The following TRAPPC9 variants were observed in gnomAD, a reference collection of about 807,000 sequenced individuals.
TRAPPC9 encodes the protein IKK2 binding protein.
A neutral mutation model predicts 124.0 loss-of-function variants in TRAPPC9; 83 were observed. The observed-to-expected ratio is 0.67, with a 90% CI of 0.56 to 0.80. The LOEUF is 0.80. Ranked by LOEUF, TRAPPC9 falls within the 30% of genes least tolerant of loss-of-function variation. TRAPPC9 has a pLI of 0.00. For synonymous variants in TRAPPC9, 638 were observed against 617.5 expected (o/e 1.03, Z -0.49); for missense variants, 1,302 against 1,508.3 (o/e 0.86, Z 2.27).
intron 17 of TRAPPC9, among the ~76,000 whole-genome samples, chr8:140,215,445 C>T (rs2063168328): frequency 1.3e-5 from 2 of 151,930 alleles, no homozygotes; most frequent in African/African-American, 4.8e-5. Flanking sequence ...GAGTTCGGGA[C>T]CAGCCCAGGC....
chr8:140,160,347 G>A (rs1338480176), intron 17 of TRAPPC9, among the ~76,000 whole-genome samples: 5 of 152,092 alleles, frequency 3.3e-5, no homozygotes, highest in African/African-American at 1.2e-4. Context: ...ACATGCACAC[G>A]TATGTTTATT....
At chr8:140,196,221 ACACT>A (rs72196471) in intron 17 of TRAPPC9, among the ~76,000 whole-genome samples, 1,005 of 11,590 alleles carry the variant, frequency 0.087, 12 homozygotes, top group Non-Finnish European at 0.11. Context: ...ACACTAAAAC[ACACT>A]CAACGATCCA....
intron 17 of TRAPPC9, among the ~76,000 whole-genome samples, chr8:140,123,300 G>T (rs898507952): frequency 6.6e-6 from 1 of 152,154 alleles, no homozygotes; most frequent in African/African-American, 2.4e-5. Context: ...CTTGCATCTT[G>T]CACACATTCT....
intron 21 of TRAPPC9, among the ~76,000 whole-genome samples, chr8:139,755,092 GTTGTAA>G (rs1563787922): frequency 1.3e-5 from 2 of 152,358 alleles, no homozygotes; most frequent in Admixed American, 1.3e-4. Context: ...CTGAGAGGTC[GTTGTAA>G]TTGGGGGAGC....
Position 139,907,355 on chromosome 8 carries a change from A to C in TRAPPC9, c.2964+2792T>G, listed in dbSNP as rs13274686. ...ATCAAATTAAGCTCAAATGTTTGTA[A>C]AAAGTCTAAATGTTTAGAAAATATT... On this transcript the variant is annotated intron_variant, in intron 20 of 22. Coordinates refer to ENST00000438773, the MANE Select transcript of TRAPPC9 (RefSeq NM_001160372.4). The surrounding 1 kb of genome is among the most constrained non-coding windows in gnomAD (Gnocchi z 4.7). 0.65 allele frequency among the ~76,000 whole-genome samples: 99,345 copies of C among 152,050 alleles called. 34,502 individuals carry two copies. Among genetic ancestry groups the C allele is most frequent in the African/African-American group, 0.91 (37,858 of 41,488 alleles).
chr8:140,437,438 C>A (rs1487198799), intron 3 of TRAPPC9, among the ~76,000 whole-genome samples: 2 of 152,118 alleles, frequency 1.3e-5, no homozygotes, highest in Non-Finnish European at 2.9e-5. Context: ...GCTCGGCCAA[C>A]ATCGCAAAAC....
intron 21 of TRAPPC9, among the ~76,000 whole-genome samples, chr8:139,780,177 A>G (rs576869989): frequency 6.6e-6 from 1 of 152,332 alleles, no homozygotes; most frequent in East Asian, 1.9e-4. Context: ...GTTTATATGG[A>G]GAGGTAAAAG....
chr8:140,113,390 C>T (rs1030950961), intron 17 of TRAPPC9, among the ~76,000 whole-genome samples: 28 of 152,290 alleles, frequency 1.8e-4, no homozygotes, highest in African/African-American at 6.5e-4. Flanking sequence ...AGAAGGTGGG[C>T]CTTTGAGAAT....
At chr8:140,337,063 G>GT (rs1464646191) in intron 9 of TRAPPC9, among the ~76,000 whole-genome samples, 2 of 152,176 alleles carry the variant, frequency 1.3e-5, no homozygotes, top group African/African-American at 2.4e-5. Context: ...CAACCACTGA[G>GT]TAAGTGTCCT....
chr8:140,142,252 T>C (rs1292196530), intron 17 of TRAPPC9, among the ~76,000 whole-genome samples: 1 of 152,202 alleles, frequency 6.6e-6, no homozygotes, highest in Non-Finnish European at 1.5e-5. Context: ...CACAGAAAGA[T>C]TTTTCATTTT....
At chr8:140,263,310 G>A (rs1398770664) in intron 15 of TRAPPC9, among the ~76,000 whole-genome samples, 3 of 152,104 alleles carry the variant, frequency 2.0e-5, no homozygotes, top group African/African-American at 7.2e-5. Context: ...ATTACTCTCA[G>A]AGCTCCGGGA....
At chr8:140,281,052 C>G (rs1449798971) in intron 14 of TRAPPC9, among the ~76,000 whole-genome samples, 1 of 152,232 alleles carries the variant, frequency 6.6e-6, no homozygotes, top group African/African-American at 2.4e-5. Context: ...TGATGGCCAT[C>G]TGGGCCCTTT....
At chr8:140,331,951 T>C (rs2066904310) in intron 9 of TRAPPC9, among the ~76,000 whole-genome samples, 1 of 152,202 alleles carries the variant, frequency 6.6e-6, no homozygotes, top group South Asian at 2.1e-4. Context: ...AACTATCACA[T>C]GATCCAGCAA....
intron 21 of TRAPPC9, among the ~76,000 whole-genome samples, chr8:139,768,449 C>T (rs915506343): frequency 3.9e-5 from 6 of 152,198 alleles, no homozygotes; most frequent in South Asian, 2.1e-4. Context: ...ACACCGACTG[C>T]GCTGGCCTGG....
At chr8:140,373,546 T>G (rs1161005950) in intron 7 of TRAPPC9, among the ~76,000 whole-genome samples, 1 of 152,192 alleles carries the variant, frequency 6.6e-6, no homozygotes, top group Non-Finnish European at 1.5e-5. Flanking sequence ...CCCACACAAT[T>G]TACCTACATA....
At chr8:140,352,542 C>T (rs1219875626) in intron 9 of TRAPPC9, among the ~76,000 whole-genome samples, 1 of 152,138 alleles carries the variant, frequency 6.6e-6, no homozygotes, top group Non-Finnish European at 1.5e-5. Context: ...GCCACCTTCC[C>T]AACACCTTAG....
intron 17 of TRAPPC9, among the ~76,000 whole-genome samples, chr8:140,065,971 T>A (rs1031775339): frequency 6.6e-6 from 1 of 152,210 alleles, no homozygotes; most frequent in Non-Finnish European, 1.5e-5. Flanking sequence ...AGATAGTGAT[T>A]CCTCCGATGG....
chr8:140,118,702 G>A (rs1246468719), intron 17 of TRAPPC9, among the ~76,000 whole-genome samples: 1 of 152,220 alleles, frequency 6.6e-6, no homozygotes, highest in African/African-American at 2.4e-5. Context: ...GATGTGAACT[G>A]GGGGCTGAGA....
At position 140,252,898 on chromosome 8, in the gene TRAPPC9, C is replaced by G; in HGVS notation, c.2310G>C (p.Lys770Asn). The part of the protein sequence containing the change: ...EKLYGDFLSW[K>N]LEETLAQFPL... Reference sequence around the variant, plus strand: ...GGAACTGGGCAAGGGTTTCCTCTAGCTTCCAGCTCAAGAAGTCGCCATACA... The same window carrying G: ...GGAACTGGGCAAGGGTTTCCTCTAGGTTCCAGCTCAAGAAGTCGCCATACA... The change falls in exon 16 of 23, where the codon AAG becomes AAC. Residue 770 changes from lysine (K) to asparagine (N), a missense_variant. Around this residue, in one of 3 missense-constraint regions of TRAPPC9, gnomAD observed 640 missense variants for 679.3 expected, o/e 0.94. Coordinates refer to ENST00000438773, the MANE Select transcript of TRAPPC9 (RefSeq NM_001160372.4). This position sits in a 1 kb window ranked among gnomAD's most constrained non-coding sequence, Gnocchi z 4.2. 1 of 1,614,098 alleles carries G rather than the reference C, an allele frequency of 6.2e-7. No homozygotes were observed. The highest frequency in any genetic ancestry group is 1.1e-5 in the South Asian group (1 of 91,082).
Sources: gnomAD v4.1 joint callset for allele counts (sites outside exome capture counted in the v4.1 genomes callset) on GRCh38, gnomAD v4.1.1 for gene constraint, gnomAD v4.1.1 regional missense constraint, Gnocchi (gnomAD v3.1) non-coding constraint, MANE v1.5 for transcripts, NCBI Gene and HGNC (gene_info 2026-07-23, HGNC 2026-07-21) for gene names.